The following SERGEF variants were observed in gnomAD, a reference collection of about 807,000 sequenced individuals.
SERGEF encodes the protein secretion regulating guanine nucleotide exchange factor, also known as secretion-regulating guanine nucleotide exchange factor.
A neutral mutation model predicts 50.0 loss-of-function variants in SERGEF; 51 were observed. The ratio of observed to expected loss-of-function variants is 1.02; its 90% CI spans 0.81 to 1.29. SERGEF has a LOEUF of 1.29. Among genes scored for constraint, SERGEF ranks in the 50% most tolerant of loss-of-function variants. The probability of loss-of-function intolerance (pLI) is 0.00; values close to 1 mark genes in which losing one functional copy is unlikely to be tolerated. For missense variants in SERGEF, 521 were observed against 557.0 expected (o/e 0.94, Z 0.65); for synonymous variants, 205 against 212.4 (o/e 0.97, Z 0.30).
In SERGEF at chr11:17,794,406, T is replaced by A. The variant is rs1040322270; in HGVS notation, c.1049-5993A>T. Among the ~76,000 whole-genome samples, 11 of 152,082 alleles carry A rather than the reference T, an allele frequency of 7.2e-5. No homozygotes were observed. In the South Asian group the frequency reaches 2.1e-3, roughly 29 times the overall value. On this transcript the variant is annotated intron_variant, in intron 10 of 10. Transcript: ENST00000265965. ...GTTTCATAAAAATGTCACCTTAATTTCCACGGCAACCCTCGGAGGTACTAC... is the reference window on the plus strand; with the variant it reads ...GTTTCATAAAAATGTCACCTTAATTACCACGGCAACCCTCGGAGGTACTAC...
intron 1 of SERGEF, chr11:18,010,190 T>C: frequency 2.8e-6 from 2 of 721,174 alleles, no homozygotes; most frequent in Non-Finnish European, 4.1e-6. Context: ...CATATATACA[T>C]ACTTACATAC....
chr11:17,900,053 A>G (rs963567672), intron 9 of SERGEF, among the ~76,000 whole-genome samples: 4 of 152,174 alleles, frequency 2.6e-5, no homozygotes, highest in African/African-American at 4.8e-5. Flanking sequence ...CAATATCCCT[A>G]CCTTCTAGGA....
At chr11:17,793,134 C>CA (rs1264407137) in intron 10 of SERGEF, among the ~76,000 whole-genome samples, 1 of 152,140 alleles carries the variant, frequency 6.6e-6, no homozygotes, top group African/African-American at 2.4e-5. Context: ...CCATGCCTGA[C>CA]ACAGTGACAG....
chr11:17,860,846 G>T (rs1850913428), intron 10 of SERGEF, among the ~76,000 whole-genome samples: 1 of 152,220 alleles, frequency 6.6e-6, no homozygotes, highest in Non-Finnish European at 1.5e-5. Flanking sequence ...ATGTAACAGT[G>T]TGTAAGAGCT....
intron 9 of SERGEF, among the ~76,000 whole-genome samples, chr11:17,931,899 C>G (rs916300859): frequency 6.6e-6 from 1 of 152,144 alleles, no homozygotes; most frequent in Non-Finnish European, 1.5e-5. Flanking sequence ...GATTCTGATG[C>G]ATGCTGAGGT....
At chr11:17,994,393 G>A (rs1853788291) in intron 6 of SERGEF, among the ~76,000 whole-genome samples, 1 of 146,478 alleles carries the variant, frequency 6.8e-6, no homozygotes. Context: ...GGAGGATGGC[G>A]TGAACCCGGG....
intron 9 of SERGEF, among the ~76,000 whole-genome samples, chr11:17,883,688 C>T (rs1478531802): frequency 6.6e-6 from 1 of 152,200 alleles, no homozygotes; most frequent in Non-Finnish European, 1.5e-5. Flanking sequence ...AACCACCCAT[C>T]CAGTTCCCTT....
intron 1 of SERGEF, among the ~76,000 whole-genome samples, chr11:18,009,666 C>T (rs919830337): frequency 7.2e-5 from 11 of 152,162 alleles, no homozygotes; most frequent in African/African-American, 2.7e-4. Context: ...CTCCAAGATT[C>T]ACATGGTGAG....
In SERGEF at chr11:17,888,628, TACAC is replaced by T. The variant is rs58279017; in HGVS notation, c.1012-10388_1012-10385del. 0.06 allele frequency among the ~76,000 whole-genome samples: 8,656 copies of T among 143,592 alleles called. 277 individuals are homozygous for T. Among genetic ancestry groups the T allele is most frequent in the East Asian group, 0.13 (619 of 4,630 alleles). The allele number at this position is 143,592 out of a possible 152,430, so 94.2% of individuals were successfully genotyped here. On this transcript the variant is annotated intron_variant, in intron 9 of 10. Coordinates refer to ENST00000265965, the MANE Select transcript of SERGEF (RefSeq NM_012139.4). The surrounding 1 kb of genome is among the most constrained non-coding windows in gnomAD (Gnocchi z 4.1). ...AGTTATCAGTATGAACTCACAGTTT[TACAC>T]ACACACACACACACACACACACACA...
chr11:17,826,849 C>T (rs932898497), intron 10 of SERGEF, among the ~76,000 whole-genome samples: 1 of 152,248 alleles, frequency 6.6e-6, no homozygotes, highest in East Asian at 1.9e-4. Flanking sequence ...GACAATGGTA[C>T]TTACTACTTA....
intron 10 of SERGEF, among the ~76,000 whole-genome samples, chr11:17,804,390 G>A (rs1849721383): frequency 6.6e-6 from 1 of 152,162 alleles, no homozygotes; most frequent in Non-Finnish European, 1.5e-5. Flanking sequence ...CTCCCAACTG[G>A]CTCCATGGAA....
chr11:17,983,745 G>GA (rs10672775), intron 8 of SERGEF, among the ~76,000 whole-genome samples: 130,309 of 140,872 alleles, frequency 0.93, 60,815 homozygotes, highest in East Asian at 1. Flanking sequence ...TATGAGAACA[G>GA]AAAAAAAAAA....
chr11:17,823,990 AG>A (rs747483672), intron 10 of SERGEF, among the ~76,000 whole-genome samples: 56 of 152,248 alleles, frequency 3.7e-4, no homozygotes, highest in Admixed American at 1.1e-3. Context: ...GTACCACTTC[AG>A]GGAAAGTGCC....
At chr11:17,860,003 G>A (rs1850898129) in intron 10 of SERGEF, among the ~76,000 whole-genome samples, 1 of 152,194 alleles carries the variant, frequency 6.6e-6, no homozygotes, top group South Asian at 2.1e-4. Flanking sequence ...TTAACACAGG[G>A]AAATGGTATA....
chr11:17,793,999 A>G (rs1349200476), intron 10 of SERGEF, among the ~76,000 whole-genome samples: 2 of 152,208 alleles, frequency 1.3e-5, no homozygotes, highest in African/African-American at 4.8e-5. Context: ...TTGGCAACTA[A>G]GTCCTCATAG....
Position 17,959,632 on chromosome 11 carries a change from A to C in SERGEF, c.849T>G (p.Thr283=). The change falls in exon 9 of 11, where the codon ACT becomes ACG. Residue 283 remains threonine, a synonymous_variant. Coordinates refer to ENST00000265965, the MANE Select transcript of SERGEF (RefSeq NM_012139.4). Reference sequence around the variant, plus strand: ...CTCGGCCCCAGGTAAACATCTTGCCAGTTTCTAAAAACAAATATTATTTGA... The same window carrying C: ...CTCGGCCCCAGGTAAACATCTTGCCCGTTTCTAAAAACAAATATTATTTGA... ...GWTHLVAQTE[T]GKMFTWGRAD... The C allele has an allele frequency of 6.2e-7, 1 of 1,609,488 alleles. No homozygotes were observed. The highest frequency in any genetic ancestry group is 1.7e-4 in the Middle Eastern group (1 of 6,018).
chr11:17,982,792 C>G (rs1853518766), intron 8 of SERGEF, among the ~76,000 whole-genome samples: 1 of 152,172 alleles, frequency 6.6e-6, no homozygotes, highest in Admixed American at 6.5e-5. Context: ...AACAGCCAGT[C>G]CCTTTCATAT....
intron 9 of SERGEF, among the ~76,000 whole-genome samples, chr11:17,883,942 G>A (rs1460907184): frequency 6.6e-6 from 1 of 152,198 alleles, no homozygotes; most frequent in African/African-American, 2.4e-5. Flanking sequence ...TTCTAAACGG[G>A]GAAATCGGGG....
chr11:17,853,874 G>C (rs967078085), intron 10 of SERGEF: 9 of 151,958 alleles, frequency 5.9e-5, no homozygotes, highest in Admixed American at 5.9e-4. Context: ...ATTTAGCCAG[G>C]CACAGTGGCG....
Sources: allele counts gnomAD v4.1 joint callset (sites outside exome capture counted in the v4.1 genomes callset), GRCh38; gene constraint gnomAD v4.1.1; non-coding constraint Gnocchi (gnomAD v3.1); transcripts MANE v1.5; gene names NCBI Gene and HGNC (gene_info 2026-07-23, HGNC 2026-07-21).